Variants in PTPN5 observed in about 807,000 individuals in gnomAD.
PTPN5 encodes tyrosine-protein phosphatase non-receptor type 5.
A neutral mutation model predicts 73.9 loss-of-function variants in PTPN5; 29 were observed. That is an observed-to-expected ratio of 0.39 (90% CI 0.29 to 0.54). PTPN5 has a LOEUF of 0.54. Among genes scored for constraint, PTPN5 ranks in the 20% least tolerant of loss-of-function variants. The pLI is 0.65. For synonymous variants in PTPN5, 267 were observed against 304.7 expected, an observed-to-expected ratio of 0.88 and a Z score of 1.29; for missense variants, 652 against 751.4, an observed-to-expected ratio of 0.87 and a Z score of 1.55.
In PTPN5 at chr11:18,771,936, C is replaced by T; in HGVS notation, c.20+3G>A. 1 of 1,590,686 alleles carries T rather than the reference C, an allele frequency of 6.3e-7. No individual in the cohort carries two copies. The highest frequency in any genetic ancestry group is 8.5e-7 in the Non-Finnish European group (1 of 1,171,128). The stretch of plus-strand genomic sequence containing the variant: ...CAGGGGGACGGCGTAAACGCTCACT[C>T]ACCTGGCTCCCTCATAATTCATTCC... On this transcript the variant is annotated splice_donor_region_variant and intron_variant, in intron 2 of 14. Coordinates refer to ENST00000358540, the MANE Select transcript of PTPN5 (RefSeq NM_006906.2).
At chr11:18,786,359 C>G (rs1264599407) in intron 1 of PTPN5, among the ~76,000 whole-genome samples, 3 of 152,062 alleles carry the variant, frequency 2.0e-5, no homozygotes, top group Non-Finnish European at 4.4e-5. Context: ...CCTGCCACGG[C>G]GCCTGGCTAA....
chr11:18,734,471 T>C (rs1005052227), intron 9 of PTPN5, among the ~76,000 whole-genome samples: 1 of 152,174 alleles, frequency 6.6e-6, no homozygotes, highest in Non-Finnish European at 1.5e-5. Flanking sequence ...CATGAGCCAC[T>C]GCACCTGGCT....
chr11:18,767,492 A>C (rs893772129), intron 2 of PTPN5, among the ~76,000 whole-genome samples: 1 of 152,156 alleles, frequency 6.6e-6, no homozygotes, highest in African/African-American at 2.4e-5. Context: ...AGCCACCATC[A>C]TCTCTTGCCT....
chr11:18,778,139 T>C (rs1417754652), intron 1 of PTPN5, among the ~76,000 whole-genome samples: 1 of 152,062 alleles, frequency 6.6e-6, no homozygotes. Context: ...AGGTCCAGAG[T>C]TTTGCTCAAT....
At chr11:18,746,624 G>A (rs184949672) in intron 3 of PTPN5, among the ~76,000 whole-genome samples, 20 of 152,116 alleles carry the variant, frequency 1.3e-4, no homozygotes, top group Non-Finnish European at 2.4e-4. Flanking sequence ...CTCCAGTCTC[G>A]TGGCTAAAAC....
intron 2 of PTPN5, among the ~76,000 whole-genome samples, chr11:18,769,664 A>G (rs10766503): frequency 6.6e-6 from 1 of 152,084 alleles, no homozygotes; most frequent in African/African-American, 2.4e-5. Context: ...TCAGCCTCCC[A>G]AAGTACTGGG....
chr11:18,738,945 C>T (rs1052103784), intron 8 of PTPN5, among the ~76,000 whole-genome samples: 12 of 149,162 alleles, frequency 8.0e-5, no homozygotes, highest in Non-Finnish European at 1.6e-4. Flanking sequence ...GCACTCCAGC[C>T]TGGGCAACAA....
chr11:18,754,080 G>C (rs1307960353), intron 3 of PTPN5, among the ~76,000 whole-genome samples: 1 of 152,182 alleles, frequency 6.6e-6, no homozygotes, highest in Non-Finnish European at 1.5e-5. Flanking sequence ...ACTAAAGAGA[G>C]AGCCAGTATG....
Position 18,733,325 on chromosome 11 carries a change from G to A in PTPN5, c.1128C>T (p.Ile376=), listed in dbSNP as rs778313110. The A allele has an allele frequency of 7.4e-6, 12 of 1,614,006 alleles. No homozygotes were observed. The highest frequency in any genetic ancestry group is 6.7e-5 in the African/African-American group (5 of 74,938). ...EKVYIATQGP[I]VSTVADFWRM... Reference sequence around the variant, plus strand: ...GCCAGAAGTCGGCGACCGTGCTGACGATGGGTCCCTGAGTGGCGATGTACA... The same window carrying A: ...GCCAGAAGTCGGCGACCGTGCTGACAATGGGTCCCTGAGTGGCGATGTACA... Residue 376 remains isoleucine, a synonymous_variant, in exon 11 of 15, where the codon ATC becomes ATT. Coordinates refer to ENST00000358540, the MANE Select transcript of PTPN5 (RefSeq NM_006906.2). The surrounding 1 kb of genome is among the most constrained non-coding windows in gnomAD (Gnocchi z 4.3).
chr11:18,744,011 A>T lies in PTPN5; in HGVS notation c.286T>A (p.Phe96Ile). Residue 96 changes from phenylalanine to isoleucine, a missense_variant, in exon 4 of 15, where the codon TTC (phenylalanine) becomes ATC (isoleucine). Coordinates refer to ENST00000358540, the MANE Select transcript of PTPN5 (RefSeq NM_006906.2). Reference sequence around the variant, plus strand: ...GAGGCCTGTGCCATCCTTACCAGGAACTGTGAGGCAGCGAACAGGCACAGG... The same window carrying T: ...GAGGCCTGTGCCATCCTTACCAGGATCTGTGAGGCAGCGAACAGGCACAGG... The part of the protein sequence containing the change: ...SSLCLFAASQ[F>I]LLACGVLWFS... 6.3e-7 allele frequency: 1 copy of T among 1,597,630 alleles called. No homozygotes were observed. Among genetic ancestry groups the T allele is most frequent in the Non-Finnish European group, 8.5e-7 (1 of 1,173,742 alleles).
intron 1 of PTPN5, among the ~76,000 whole-genome samples, chr11:18,788,134 A>C (rs1233503264): frequency 3.3e-5 from 5 of 152,160 alleles, no homozygotes; most frequent in Non-Finnish European, 7.3e-5. Context: ...TACCAATTTT[A>C]GTGACACTGT....
chr11:18,780,790 C>T (rs991127205), intron 1 of PTPN5, among the ~76,000 whole-genome samples: 8 of 152,160 alleles, frequency 5.3e-5, no homozygotes, highest in African/African-American at 1.9e-4. Context: ...TCTTTATCCC[C>T]CACGACAGAA....
intron 1 of PTPN5, among the ~76,000 whole-genome samples, chr11:18,782,169 G>C (rs1025319086): frequency 6.6e-6 from 1 of 152,172 alleles, no homozygotes; most frequent in African/African-American, 2.4e-5. Context: ...TTAGAAATCT[G>C]TGTGTGTATT....
At chr11:18,783,180 G>T (rs907257557) in intron 1 of PTPN5, among the ~76,000 whole-genome samples, 1 of 152,232 alleles carries the variant, frequency 6.6e-6, no homozygotes, top group African/African-American at 2.4e-5. Flanking sequence ...AGTAGCAGAG[G>T]CAGCAGATGG....
rs1157227532 is a variant in PTPN5, at chr11:18,740,560, A to C, written c.915+43T>G. On this transcript the variant is annotated intron_variant, in intron 8 of 14. Transcript: ENST00000358540. ...CCACCTGGGCAGGTGGATGATTGAC[A>C]TGGGTCTGCACACAGTGGGGCGACC... The C allele has an allele frequency of 2.0e-5, 27 of 1,383,352 alleles. No individual in the cohort carries two copies. In the Admixed American group the frequency reaches 7.0e-4, roughly 36 times the overall value. 85.7% of individuals were successfully genotyped at this position (1,383,352 alleles called of 1,614,324 possible).
chr11:18,743,112 G>T, intron 5 of PTPN5, 37 bp from the exon 6 acceptor site: 1 of 1,433,728 alleles, frequency 7.0e-7, no homozygotes. Context: ...GGGTGGTGGT[G>T]GGGGCAGAGT....
intron 3 of PTPN5, among the ~76,000 whole-genome samples, chr11:18,759,284 C>T (rs958610178): frequency 3.3e-5 from 5 of 152,224 alleles, no homozygotes; most frequent in Non-Finnish European, 5.9e-5. Context: ...CGTCCATGAA[C>T]TCAATTAATC....
At chr11:18,764,721 TG>T (rs1299290786) in intron 3 of PTPN5, among the ~76,000 whole-genome samples, 1 of 151,626 alleles carries the variant, frequency 6.6e-6, no homozygotes, top group Non-Finnish European at 1.5e-5. Flanking sequence ...TGTTTTGTTT[TG>T]TTTTTTTGGA....
intron 2 of PTPN5, among the ~76,000 whole-genome samples, chr11:18,770,928 TG>T (rs953281914): frequency 4.6e-5 from 7 of 151,952 alleles, no homozygotes; most frequent in Admixed American, 3.9e-4. Flanking sequence ...CCCCTCTGCC[TG>T]GGGGGTAGAG....
Sources: gnomAD v4.1 joint callset for allele counts (sites outside exome capture counted in the v4.1 genomes callset) on GRCh38, gnomAD v4.1.1 for gene constraint, Gnocchi (gnomAD v3.1) non-coding constraint, MANE v1.5 for transcripts, NCBI Gene and HGNC (gene_info 2026-07-23, HGNC 2026-07-21) for gene names.